Variants in UBA7 observed in about 807,000 individuals in gnomAD.
The protein encoded by UBA7 is ubiquitin-like modifier-activating enzyme 7.
A neutral mutation model predicts 113.0 loss-of-function variants in UBA7; 88 were observed. The observed-to-expected ratio is 0.78, with a 90% CI of 0.66 to 0.93. UBA7 has a LOEUF of 0.93. UBA7 is among the 40% of genes least tolerant of loss of function. UBA7 has a pLI of 0.00. For missense variants in UBA7, 1,092 were observed against 1,266.4 expected (o/e 0.86, Z 2.09); for synonymous variants, 459 against 513.0 (o/e 0.89, Z 1.42).
chr3:49,809,778 G>A (rs371312611), intron 15 of UBA7, 37 bp downstream of exon 15: 6 of 1,614,128 alleles, frequency 3.7e-6, no homozygotes, highest in Non-Finnish European at 4.2e-6. Flanking sequence ...CATGCTTGGA[G>A]CCCTGGACTC....
Position 49,812,186 on chromosome 3 carries a change from C to G in UBA7, c.715G>C (p.Gly239Arg), listed in dbSNP as rs776074625. The change falls in exon 7 of 24, where the codon GGA (glycine) becomes CGA (arginine). Residue 239 changes from glycine to arginine, a missense_variant. By Grantham distance (125) the Gly-to-Arg change is moderately radical. Around this residue, in one of 3 missense-constraint regions of UBA7, gnomAD observed 584 missense variants for 714.5 expected, o/e 0.82. Coordinates refer to ENST00000333486, the MANE Select transcript of UBA7 (RefSeq NM_003335.3). ...HVREDGSLEI[G>R]DTTTFSRYLR... ...TACCGAGAGAAAGTTGTTGTGTCTCCAATCTCCAGGGACCCATCCTCTGAG... is the reference window on the plus strand; with the variant it reads ...TACCGAGAGAAAGTTGTTGTGTCTCGAATCTCCAGGGACCCATCCTCTGAG... 3.1e-6 allele frequency: 5 copies of G among 1,614,080 alleles called. No homozygotes were observed. Among genetic ancestry groups the G allele is most frequent in the Admixed American group, 3.3e-5 (2 of 60,004 alleles).
chr3:49,810,121 C>T lies in UBA7; in HGVS notation c.1696G>A (p.Gly566Ser), dbSNP rs1215951558. Reference sequence around the variant, plus strand: ...AATACTGTAGCACTGCCCCAGGTGCCCGATGTGCCTGCCTCCAGCAGTGGC... The same window carrying T: ...AATACTGTAGCACTGCCCCAGGTGCTCGATGTGCCTGCCTCCAGCAGTGGC... ...LKPLLEAGTS[G>S]TWGSATVFMP... is the part of the protein sequence containing the mutation. Residue 566 changes from glycine to serine, a missense_variant, in exon 14 of 24, where the codon GGC becomes AGC. Gly to Ser is a moderately conservative substitution (Grantham distance 56). Coordinates refer to ENST00000333486, the MANE Select transcript of UBA7 (RefSeq NM_003335.3). This position sits in a 1 kb window ranked among gnomAD's most constrained non-coding sequence, Gnocchi z 5.6. The T allele has an allele frequency of 1.9e-6, 3 of 1,612,640 alleles. No individual in the cohort carries two copies. The highest frequency in any genetic ancestry group is 3.3e-4 in the Middle Eastern group (2 of 6,084).
rs1206586558 is a variant in UBA7 at position 49,810,482 on chromosome 3, G to C, written c.1467+35C>G. 18 of 1,613,994 alleles carry C rather than the reference G, an allele frequency of 1.1e-5. No homozygotes were observed. Among genetic ancestry groups the C allele is most frequent in the Non-Finnish European group, 1.4e-5 (17 of 1,179,912 alleles). On this transcript the variant is annotated intron_variant, in intron 12 of 23. Coordinates refer to ENST00000333486, the MANE Select transcript of UBA7 (RefSeq NM_003335.3). The surrounding 1 kb of genome is among the most constrained non-coding windows in gnomAD (Gnocchi z 5.6). ...GGGAAGCTGTATGGGAGGACGGTCT[G>C]GGATGCAGGAGTGTGGAGAGGGGTC...
At position 49,805,881 on chromosome 3, in the gene UBA7, C is replaced by A; in HGVS notation, c.2909+16G>T. The A allele has an allele frequency of 6.4e-7, 1 of 1,550,856 alleles. No homozygotes were observed. Among genetic ancestry groups the A allele is most frequent in the South Asian group, 1.2e-5 (1 of 84,042 alleles). On this transcript the variant is annotated intron_variant, in intron 23 of 23. Coordinates refer to ENST00000333486, the MANE Select transcript of UBA7 (RefSeq NM_003335.3). ...AGGGACTGGTGGGGCCTGTCTAAAG[C>A]CCCAAGTGGGCTCACCTGAGGGGCA...
At chr3:49,805,505 G>T in intron 23 of UBA7, 68 bp from the exon 24 acceptor site, 4 of 1,475,222 alleles carry the variant, frequency 2.7e-6, no homozygotes, top group Non-Finnish European at 3.8e-6. Flanking sequence ...GCCTGGCATG[G>T]ACTAGAGAGG....
At position 49,811,514 on chromosome 3, in the gene UBA7, ATCCT is replaced by A. The variant is rs756917719; in HGVS notation, c.940-63_940-60del. On this transcript the variant is annotated intron_variant, in intron 8 of 23. Transcript: ENST00000333486. ...AGCCTGAGCTCTACTCCTGACTCAA[ATCCT>A]TCCAGCCACCCTCCATCCACCCTGT... The A allele has an allele frequency of 4.5e-4, 690 of 1,543,520 alleles. 3 individuals carry two copies. Among genetic ancestry groups the A allele is most frequent in the Admixed American group, 5.3e-4 (27 of 50,616 alleles).
In UBA7 at chr3:49,809,080, G is replaced by C; in HGVS notation, c.2243C>G (p.Thr748Ser). 5 of 1,613,758 alleles carry C rather than the reference G, an allele frequency of 3.1e-6. No homozygotes were observed. The highest frequency in any genetic ancestry group is 4.2e-6 in the Non-Finnish European group (5 of 1,179,928). The change falls in exon 18 of 24, where the codon ACT (threonine) becomes AGT (serine). Residue 748 changes from threonine to serine, a missense_variant. Thr to Ser is a moderately conservative substitution (Grantham distance 58). Coordinates refer to ENST00000333486, the MANE Select transcript of UBA7 (RefSeq NM_003335.3). Reference protein sequence around the residue: ...MHGLPGSQDWTALRELLKLLP... With the variant: ...MHGLPGSQDWSALRELLKLLP... ...CAGCTTCAGCAGCTCCCTGAGTGCAGTCCAGTCCTGTGAGCCAGGCAGCCC... is the reference window on the plus strand; with the variant it reads ...CAGCTTCAGCAGCTCCCTGAGTGCACTCCAGTCCTGTGAGCCAGGCAGCCC...
At chr3:49,809,363 T>C (rs2081504410) in intron 17 of UBA7, 27 bp downstream of exon 17, 9 of 1,611,478 alleles carry the variant, frequency 5.6e-6, no homozygotes, top group Non-Finnish European at 6.8e-6. Flanking sequence ...ATCTCTATCT[T>C]GGAGCTCCCT....
rs562490042 is a variant in UBA7 at position 49,807,374 on chromosome 3, G to A, written c.2715+362C>T. On this transcript the variant is annotated intron_variant, in intron 21 of 23. Transcript: ENST00000333486. This position sits in a 1 kb window ranked among gnomAD's most constrained non-coding sequence, Gnocchi z 4.0. ...TAGGCCAGGGCCCCCGTACCATGCA[G>A]GGGGAAGCTAGACTCTTTCTGGGGC... 1.3e-5 allele frequency among the ~76,000 whole-genome samples: 2 copies of A among 152,324 alleles called. No individual in the cohort carries two copies. Among genetic ancestry groups the A allele is most frequent in the Non-Finnish European group, 2.9e-5 (2 of 68,016 alleles).
chr3:49,808,949 A>C, intron 18 of UBA7, 27 bp downstream of exon 18: 2 of 1,608,138 alleles, frequency 1.2e-6, no homozygotes, highest in Non-Finnish European at 1.7e-6. Flanking sequence ...GAAAGACAGC[A>C]TGAGGGGCCA....
chr3:49,811,604 A>T, intron 8 of UBA7, 149 bp from the exon 9 acceptor site: 1 of 1,227,956 alleles, frequency 8.1e-7, no homozygotes, highest in Non-Finnish European at 1.1e-6. Context: ...CAGCCTGCAC[A>T]GCACCACCAG....
chr3:49,813,850 C>G lies in UBA7; in HGVS notation c.-63G>C. The G allele has an allele frequency of 6.3e-7, 1 of 1,595,088 alleles. No individual in the cohort carries two copies. The highest frequency in any genetic ancestry group is 1.7e-5 in the Admixed American group (1 of 57,896). On this transcript the variant is annotated 5_prime_UTR_variant, in exon 1 of 24. Transcript: ENST00000333486. The stretch of plus-strand genomic sequence containing the variant: ...AGAGATAGGGTCTTTGTGTAGGTGG[C>G]GGTGACAGTAGGGGCCAGTGCCCTG...
intron 18 of UBA7, among the ~76,000 whole-genome samples, 162 bp from the exon 19 acceptor site, chr3:49,808,630 C>A (rs1409755270): frequency 6.6e-6 from 1 of 152,224 alleles, no homozygotes; most frequent in Admixed American, 6.5e-5. Context: ...CCTCTAGAAG[C>A]CCCAGTCTTC....
rs774232326 is a variant in UBA7, at chr3:49,809,161, T to C, written c.2164-2A>G. ...CAGTACGTAGAGGAGGTGTGTGTCCTGCAGCCAGACCAAGAGCAGGAACAG... is the reference window on the plus strand; with the variant it reads ...CAGTACGTAGAGGAGGTGTGTGTCCCGCAGCCAGACCAAGAGCAGGAACAG... On this transcript the variant is annotated splice_acceptor_variant, in intron 17 of 23. Coordinates refer to ENST00000333486, the MANE Select transcript of UBA7 (RefSeq NM_003335.3). LOFTEE classifies it high-confidence loss of function. 6.2e-7 allele frequency: 1 copy of C among 1,607,480 alleles called. No individual in the cohort carries two copies. The highest frequency in any genetic ancestry group is 1.1e-5 in the South Asian group (1 of 90,344).
rs1272650595 is a variant in UBA7 at position 49,809,344 on chromosome 3, A to T, written c.2163+46T>A. 3 of 1,602,634 alleles carry T rather than the reference A, an allele frequency of 1.9e-6. No homozygotes were observed. The Admixed American group carries it at 5.1e-5, about 27-fold the overall frequency. On this transcript the variant is annotated intron_variant, in intron 17 of 23. Transcript: ENST00000333486. Reference sequence around the variant, plus strand: ...TGCAGAAATGCCTACCTCTGCTCTGAGGGGCCACATCTCTATCTTGGAGCT... The same window carrying T: ...TGCAGAAATGCCTACCTCTGCTCTGTGGGGCCACATCTCTATCTTGGAGCT...
rs1485740488 is a variant in UBA7, at chr3:49,813,533, G to A, written c.171C>T (p.Gly57=). The A allele has an allele frequency of 3.1e-6, 5 of 1,613,880 alleles. No homozygotes were observed. The highest frequency in any genetic ancestry group is 4.2e-6 in the Non-Finnish European group (5 of 1,180,052). Residue 57 remains glycine (G), a synonymous_variant, in exon 2 of 24, where the codon GGC becomes GGT. Coordinates refer to ENST00000333486, the MANE Select transcript of UBA7 (RefSeq NM_003335.3). The stretch of plus-strand genomic sequence containing the variant: ...GGTGGGGATCATGCAGAGTGAGGCT[G>A]CCCACACCCATCAGAACCAAGTTCT... ...VAKNLVLMGV[G]SLTLHDPHPT...
intron 16 of UBA7, 32 bp from the exon 17 acceptor site, chr3:49,809,496 G>A: frequency 1.2e-6 from 2 of 1,613,994 alleles, no homozygotes; most frequent in South Asian, 1.1e-5. Flanking sequence ...GCTGGGCTCA[G>A]TCTGGTCCCC....
rs899688759 is a variant in UBA7, at chr3:49,805,975, C to T, written c.2831G>A (p.Arg944Lys). 2.6e-6 allele frequency: 4 copies of T among 1,566,806 alleles called. No individual in the cohort carries two copies. The highest frequency in any genetic ancestry group is 2.7e-5 in the African/African-American group (2 of 73,746). Residue 944 changes from arginine (R) to lysine (K), a missense_variant, in exon 23 of 24, where the codon AGG becomes AAG. Around this residue, in one of 3 missense-constraint regions of UBA7, gnomAD observed 500 missense variants for 529.3 expected, o/e 0.94. Transcript: ENST00000333486. ...HLQEQHGLRV[R>K]ILLHGSALLY... ...CAGGGCTGAGCCGTGCAGCAGGATCCTCACCCTCAACCCGTGCTGCTCCTA... is the reference window on the plus strand; with the variant it reads ...CAGGGCTGAGCCGTGCAGCAGGATCTTCACCCTCAACCCGTGCTGCTCCTA...
Position 49,810,862 on chromosome 3 carries a change from C to T in UBA7, c.1231-30G>A, listed in dbSNP as rs1221464184. 10 of 1,612,728 alleles carry T rather than the reference C, an allele frequency of 6.2e-6. No individual in the cohort carries two copies. The highest frequency in any genetic ancestry group is 8.5e-6 in the Non-Finnish European group (10 of 1,178,754). ...GGGACAGAGACGGGGTCAGTGATGG[C>T]TACTGGCCTGCATCTCCTTCTTATA... is the stretch of plus-strand genomic sequence containing the variant. On this transcript the variant is annotated intron_variant, in intron 10 of 23. Transcript: ENST00000333486. This position sits in a 1 kb window ranked among gnomAD's most constrained non-coding sequence, Gnocchi z 5.6.
Sources: allele counts gnomAD v4.1 joint callset (sites outside exome capture counted in the v4.1 genomes callset), GRCh38; gene constraint gnomAD v4.1.1; regional missense constraint gnomAD v4.1.1; non-coding constraint Gnocchi (gnomAD v3.1); transcripts MANE v1.5; gene names NCBI Gene and HGNC (gene_info 2026-07-23, HGNC 2026-07-21).